The following ECT2L variants were observed in gnomAD, a reference collection of about 807,000 sequenced individuals.
ECT2L encodes the protein epithelial cell-transforming sequence 2 oncogene-like.
ECT2L carries 126 observed loss-of-function variants against 122.8 expected under a neutral mutation model. The observed-to-expected ratio is 1.03, with a 90% CI of 0.89 to 1.19. The LOEUF is 1.19. Ranked by LOEUF, ECT2L falls within the 50% of genes most tolerant of loss-of-function variation. The probability of loss-of-function intolerance (pLI) is 0.00; values close to 1 mark genes in which losing one functional copy is unlikely to be tolerated. For synonymous variants in ECT2L, 385 were observed against 381.8 expected (o/e 1.01, Z -0.10); for missense variants, 1,012 against 1,064.1 (o/e 0.95, Z 0.68).
At chr6:138,819,046 T>C (rs1419499174) in intron 4 of ECT2L, among the ~76,000 whole-genome samples, 1 of 152,142 alleles carries the variant, frequency 6.6e-6, no homozygotes, top group Non-Finnish European at 1.5e-5. Flanking sequence ...TGTACACTTG[T>C]ATCTAAAACG....
rs545063931 is a variant in ECT2L, at chr6:138,876,834, G to A, written c.1665+276G>A. ...TCCCTGACTTTCCTTTATGGTACTA[G>A]GATGTCTTTTAAAGAAATGGCACAT... is the stretch of plus-strand genomic sequence containing the variant. On this transcript the variant is annotated intron_variant, in intron 14 of 21. Coordinates refer to ENST00000541398, the MANE Select transcript of ECT2L (RefSeq NM_001077706.3). 2.0e-5 allele frequency among the ~76,000 whole-genome samples: 3 copies of A among 152,260 alleles called. 1 individual carries two copies. The South Asian group carries it at 6.2e-4, about 32-fold the overall frequency.
intron 3 of ECT2L, 74 bp downstream of exon 3, chr6:138,813,414 G>A: frequency 8.7e-7 from 1 of 1,147,270 alleles, no homozygotes; most frequent in South Asian, 1.5e-5. Flanking sequence ...TGGGTCTCAT[G>A]TTGCCACATT....
At chr6:138,861,677 G>C (rs545460665) in intron 10 of ECT2L, among the ~76,000 whole-genome samples, 15 of 152,178 alleles carry the variant, frequency 9.9e-5, no homozygotes, top group Non-Finnish European at 1.8e-4. Context: ...TCTGTAGGTT[G>C]CCTGTTCACC....
chr6:138,853,447 G>A, intron 9 of ECT2L, among the ~76,000 whole-genome samples: 1 of 152,158 alleles, frequency 6.6e-6, no homozygotes, highest in African/African-American at 2.4e-5. Flanking sequence ...AGACCTCCCA[G>A]TGGGAGGGAG....
chr6:138,899,167 AGTAAG>A (rs1018565408), intron 20 of ECT2L, among the ~76,000 whole-genome samples: 13 of 152,108 alleles, frequency 8.5e-5, no homozygotes, highest in African/African-American at 3.1e-4. Flanking sequence ...AAAAAAATGA[AGTAAG>A]AGAGAGAGGG....
At chr6:138,900,859 C>T (rs1182320678) in intron 20 of ECT2L, 89 bp from the exon 21 acceptor site, 1 of 1,378,680 alleles carries the variant, frequency 7.3e-7, no homozygotes, top group Admixed American at 2.4e-5. Context: ...AAAGCCTTGA[C>T]TAGTGACTTA....
intron 10 of ECT2L, among the ~76,000 whole-genome samples, chr6:138,858,043 A>C (rs1340204146): frequency 1.3e-5 from 2 of 152,094 alleles, no homozygotes; most frequent in Non-Finnish European, 2.9e-5. Context: ...AGGATGGGGG[A>C]GATTGCCCCC....
At chr6:138,847,402 A>G (rs9376379) in intron 8 of ECT2L, among the ~76,000 whole-genome samples, 56,428 of 99,190 alleles carry the variant, frequency 0.57, 16,575 homozygotes, top group Middle Eastern at 0.74. Flanking sequence ...ATGGAGTCTC[A>G]CTCTGTCGCC....
intron 20 of ECT2L, among the ~76,000 whole-genome samples, chr6:138,891,372 G>A (rs1376279758): frequency 6.6e-5 from 10 of 152,168 alleles, no homozygotes; most frequent in Admixed American, 6.5e-4. Context: ...TCCTGATCCA[G>A]GAGAGATTCA....
intron 20 of ECT2L, among the ~76,000 whole-genome samples, chr6:138,890,885 A>T (rs145342966): frequency 2.6e-5 from 4 of 152,000 alleles, no homozygotes; most frequent in African/African-American, 7.2e-5. Context: ...TTCATTCCAC[A>T]CTCTTCTTAC....
At chr6:138,899,529 CAG>C (rs1436907414) in intron 20 of ECT2L, among the ~76,000 whole-genome samples, 3 of 151,762 alleles carry the variant, frequency 2.0e-5, no homozygotes, top group Non-Finnish European at 4.4e-5. Context: ...TGAGTGAAGA[CAG>C]GGGTGAGGCT....
chr6:138,813,541 C>T (rs532197577), intron 3 of ECT2L, among the ~76,000 whole-genome samples: 2 of 152,202 alleles, frequency 1.3e-5, no homozygotes, highest in Non-Finnish European at 2.9e-5. Flanking sequence ...TTAAGGGAGG[C>T]TCCAGATGGC....
At chr6:138,891,843 G>A (rs1349128839) in intron 20 of ECT2L, among the ~76,000 whole-genome samples, 6 of 152,142 alleles carry the variant, frequency 3.9e-5, no homozygotes, top group Admixed American at 1.3e-4. Context: ...TGACAGTAAG[G>A]TGGGTTTATG....
In ECT2L at chr6:138,854,163, A is replaced by G. The variant is rs1777538861; in HGVS notation, c.1198+9A>G. ...GCCCCTTGGAGCATCAGGTTAGCTC[A>G]GAACACCTTATAGAGAGACAGTGGC... On this transcript the variant is annotated intron_variant, in intron 10 of 21. Transcript: ENST00000541398. The G allele has an allele frequency of 6.2e-7, 1 of 1,610,218 alleles. No individual in the cohort carries two copies. The highest frequency in any genetic ancestry group is 8.5e-7 in the Non-Finnish European group (1 of 1,178,628).
Position 138,832,766 on chromosome 6 carries a change from T to G in ECT2L, c.180-5586T>G, listed in dbSNP as rs141327630. Among the ~76,000 whole-genome samples the G allele has an allele frequency of 2.8e-4, 43 of 152,240 alleles. No individual in the cohort carries two copies. In the East Asian group the frequency reaches 7.3e-3, roughly 26 times the overall value. ...TTTTTTTGTTGTTTTTTTTTTAATT[T>G]ATAACTTGCTGATTTCTTTTTTCAT... On this transcript the variant is annotated intron_variant, in intron 4 of 21. Coordinates refer to ENST00000541398, the MANE Select transcript of ECT2L (RefSeq NM_001077706.3).
At chr6:138,856,099 C>G (rs1175446914) in intron 10 of ECT2L, among the ~76,000 whole-genome samples, 2 of 152,200 alleles carry the variant, frequency 1.3e-5, no homozygotes, top group Non-Finnish European at 2.9e-5. Context: ...TTCAGGCATC[C>G]CTCTTAGGCT....
At chr6:138,801,559 C>T (rs1237745757) in intron 1 of ECT2L, among the ~76,000 whole-genome samples, 1 of 152,110 alleles carries the variant, frequency 6.6e-6, no homozygotes, top group East Asian at 1.9e-4. Flanking sequence ...CGAGACCAGT[C>T]TGGCCAACAT....
chr6:138,868,131 G>C lies in ECT2L; in HGVS notation c.1503G>C (p.Met501Ile), dbSNP rs1446079169. The change falls in exon 13 of 22, where the codon ATG (methionine) becomes ATC (isoleucine). Residue 501 changes from methionine (M) to isoleucine (I), a missense_variant. Physicochemically the swap from Met to Ile is conservative, Grantham distance 10 (BLOSUM62 1). Transcript: ENST00000541398. ...AGTTTATGTTTGACACCATGGGTAT[G>C]ACCAACATTCTAAACAACCAAGATA... The part of the protein sequence containing the change: ...IGQFMFDTMG[M>I]TNILNNQDTA... 2.5e-6 allele frequency: 4 copies of C among 1,612,378 alleles called. No homozygotes were observed. The highest frequency in any genetic ancestry group is 3.4e-6 in the Non-Finnish European group (4 of 1,179,152).
Position 138,881,043 on chromosome 6 carries a change from A to G in ECT2L, c.1752A>G (p.Ile584Met), listed in dbSNP as rs777491833. Residue 584 changes from isoleucine (I) to methionine (M), a missense_variant, in exon 15 of 22, where the codon ATA (isoleucine) becomes ATG (methionine). Transcript: ENST00000541398. ...AGAGTGAGAGAAAATACGTGCAGAT[A>G]CTGGAAATTGTGAGAGATGTTTATG... is the stretch of plus-strand genomic sequence containing the variant. ...LLQSERKYVQ[I>M]LEIVRDVYVA... 10 of 1,614,082 alleles carry G rather than the reference A, an allele frequency of 6.2e-6. No individual in the cohort carries two copies. The South Asian group carries it at 9.9e-5, about 16-fold the overall frequency.
Sources: gnomAD v4.1 joint callset for allele counts (sites outside exome capture counted in the v4.1 genomes callset) on GRCh38, gnomAD v4.1.1 for gene constraint, MANE v1.5 for transcripts, NCBI Gene and HGNC (gene_info 2026-07-23, HGNC 2026-07-21) for gene names.